CREBRF: variants seen among roughly 807,000 people sequenced by gnomAD.
CREBRF encodes the protein CREB3 regulatory factor, also known as UPF0474 protein C5orf41.
In CREBRF, 5 loss-of-function variants were observed where a neutral mutation model predicts 66.1. That is an observed-to-expected ratio of 0.08 (90% CI 0.04 to 0.16). The LOEUF (loss-of-function observed/expected upper bound fraction) is 0.16, where lower values mean the gene tolerates loss of function less well. Among genes scored for constraint, CREBRF ranks in the 10% least tolerant of loss-of-function variants. The probability of loss-of-function intolerance (pLI) is 1.00; values close to 1 mark genes in which losing one functional copy is unlikely to be tolerated. For synonymous variants in CREBRF, 229 were observed against 264.4 expected, an observed-to-expected ratio of 0.87 and a Z score of 1.30; for missense variants, 531 against 744.9, an observed-to-expected ratio of 0.71 and a Z score of 3.34.
At position 173,086,494 on chromosome 5, in the gene CREBRF, G is replaced by C. The variant is rs1323964590; in HGVS notation, c.10-7G>C. On this transcript the variant is annotated splice_polypyrimidine_tract_variant and splice_region_variant and intron_variant, in intron 2 of 8. Transcript: ENST00000296953. ...AACTTTCTAAAATAAAAATCACTCT[G>C]TTGTAGCCTAGTGTAAGCGGAATGG... 6.2e-7 allele frequency: 1 copy of C among 1,612,908 alleles called. No individual in the cohort carries two copies. The highest frequency in any genetic ancestry group is 1.3e-5 in the African/African-American group (1 of 74,990).
At chr5:173,130,025 A>G (rs1189300704) in intron 8 of CREBRF, among the ~76,000 whole-genome samples, 3 of 151,956 alleles carry the variant, frequency 2.0e-5, no homozygotes, top group South Asian at 2.1e-4. Flanking sequence ...GGGTTTCACC[A>G]TGTTGTTCAG....
At chr5:173,077,389 T>G (rs1757797922) in intron 1 of CREBRF, among the ~76,000 whole-genome samples, 1 of 152,184 alleles carries the variant, frequency 6.6e-6, no homozygotes, top group Non-Finnish European at 1.5e-5. Context: ...ATCACCACTG[T>G]CTATTCCTGA....
At position 173,134,223 on chromosome 5, in the gene CREBRF, C is replaced by G. The variant is rs546734946; in HGVS notation, c.*478C>G. 4 of 147,928 alleles carry G rather than the reference C, an allele frequency of 2.7e-5. No homozygotes were observed. The highest frequency in any genetic ancestry group is 5.9e-5 in the Non-Finnish European group (4 of 67,936). The allele number at this position is 147,928 out of a possible 1,614,324, so 9.2% of individuals were successfully genotyped here. On this transcript the variant is annotated 3_prime_UTR_variant, in exon 9 of 9. Transcript: ENST00000296953. The stretch of plus-strand genomic sequence containing the variant: ...ACACCCAGCACTTGTGCCTGTGGGC[C>G]ATATTAGATGTTCATTGTCAGAGCT...
intron 4 of CREBRF, among the ~76,000 whole-genome samples, chr5:173,102,970 G>C (rs574880474): frequency 5.9e-5 from 9 of 152,210 alleles, no homozygotes; most frequent in Non-Finnish European, 8.8e-5. Flanking sequence ...TGTGTTGAGA[G>C]ATAAGGAGGT....
chr5:173,132,025 C>T (rs1185881907), intron 8 of CREBRF, among the ~76,000 whole-genome samples: 5 of 151,604 alleles, frequency 3.3e-5, no homozygotes, highest in Admixed American at 3.3e-4. Context: ...CCACCATGCC[C>T]GGCCAGTATT....
Position 173,138,822 on chromosome 5 carries a change from G to C in CREBRF, c.*5077G>C, listed in dbSNP as rs1181514206. 6.6e-6 allele frequency: 1 copy of C among 152,008 alleles called. No individual in the cohort carries two copies. The highest frequency in any genetic ancestry group is 6.6e-5 in the Admixed American group (1 of 15,240). The allele number at this position is 152,008 out of a possible 1,614,324, so 9.4% of individuals were successfully genotyped here. On this transcript the variant is annotated 3_prime_UTR_variant, in exon 9 of 9. Transcript: ENST00000296953. ...CTGCTTTTTTACCTTCTTTCCCTAG[G>C]ATTTGTCCTACAGCTTAGTATTGTG...
chr5:173,105,540 G>A (rs1758728435), intron 4 of CREBRF, among the ~76,000 whole-genome samples: 1 of 151,864 alleles, frequency 6.6e-6, no homozygotes, highest in African/African-American at 2.4e-5. Context: ...GTATGATCTC[G>A]TCTCACTGCA....
At chr5:173,064,753 G>A (rs765649691) in intron 1 of CREBRF, among the ~76,000 whole-genome samples, 1 of 151,832 alleles carries the variant, frequency 6.6e-6, no homozygotes, top group African/African-American at 2.4e-5. Flanking sequence ...TAGTAGAGTC[G>A]AGGTTTCTCC....
intron 4 of CREBRF, among the ~76,000 whole-genome samples, chr5:173,106,104 T>C (rs573784472): frequency 1.3e-5 from 2 of 152,248 alleles, no homozygotes; most frequent in South Asian, 4.1e-4. Context: ...TAGAAATGAT[T>C]GTGTCACTCA....
intron 1 of CREBRF, among the ~76,000 whole-genome samples, chr5:173,074,892 A>G (rs1176164584): frequency 6.6e-6 from 1 of 152,204 alleles, no homozygotes; most frequent in Non-Finnish European, 1.5e-5. Context: ...AAGTGTTGGG[A>G]TTACAGGCAT....
At chr5:173,077,065 TC>T (rs530870383) in intron 1 of CREBRF, among the ~76,000 whole-genome samples, 1 of 151,572 alleles carries the variant, frequency 6.6e-6, no homozygotes, top group Non-Finnish European at 1.5e-5. Context: ...TGCCTCAGCC[TC>T]CTAAGTAACT....
intron 1 of CREBRF, among the ~76,000 whole-genome samples, chr5:173,061,544 A>G (rs1337039721): frequency 6.6e-6 from 1 of 152,238 alleles, no homozygotes; most frequent in African/African-American, 2.4e-5. Flanking sequence ...TATTCAGGAT[A>G]TGGTCCTCTT....
At chr5:173,108,550 AGG>A (rs35953058) in intron 4 of CREBRF, 72 bp from the exon 5 acceptor site, 141,575 of 1,238,106 alleles carry the variant, frequency 0.11, 11,194 homozygotes, top group African/African-American at 0.34. Context: ...TACAAATAGA[AGG>A]GGTCTTTTCA....
intron 4 of CREBRF, among the ~76,000 whole-genome samples, chr5:173,094,469 A>G (rs1758426515): frequency 6.6e-6 from 1 of 152,124 alleles, no homozygotes; most frequent in South Asian, 2.1e-4. Flanking sequence ...CTTTTTGGTA[A>G]TAGCCATGCC....
At chr5:173,099,794 G>A (rs1225252725) in intron 4 of CREBRF, among the ~76,000 whole-genome samples, 4 of 151,472 alleles carry the variant, frequency 2.6e-5, no homozygotes, top group African/African-American at 4.9e-5. Context: ...TTTTAACTTC[G>A]GCTATATGTA....
intron 4 of CREBRF, among the ~76,000 whole-genome samples, chr5:173,095,487 C>A (rs1015123256): frequency 1.3e-5 from 2 of 152,064 alleles, no homozygotes; most frequent in Admixed American, 6.5e-5. Context: ...CCGTGCCTGG[C>A]CTATAATTAC....
At chr5:173,113,275 A>G (rs1302875738) in intron 7 of CREBRF, among the ~76,000 whole-genome samples, 1 of 151,238 alleles carries the variant, frequency 6.6e-6, no homozygotes, top group Non-Finnish European at 1.5e-5. Context: ...GATTACAGGC[A>G]TGAGCCGCTG....
At chr5:173,114,195 C>T (rs1446413761) in intron 7 of CREBRF, among the ~76,000 whole-genome samples, 2 of 152,162 alleles carry the variant, frequency 1.3e-5, no homozygotes, top group African/African-American at 2.4e-5. Flanking sequence ...AATAGCCACT[C>T]AGTAAATGAA....
chr5:173,128,462 T>A (rs1257048048), intron 8 of CREBRF, among the ~76,000 whole-genome samples: 2 of 151,990 alleles, frequency 1.3e-5, no homozygotes, highest in African/African-American at 2.4e-5. Context: ...TTCCTTTTTT[T>A]TTTTGGTGTG....
Sources: allele counts gnomAD v4.1 joint callset (sites outside exome capture counted in the v4.1 genomes callset), GRCh38; gene constraint gnomAD v4.1.1; transcripts MANE v1.5; gene names NCBI Gene and HGNC (gene_info 2026-07-23, HGNC 2026-07-21).